TEX9: variants seen among roughly 807,000 people sequenced by gnomAD.
The protein encoded by TEX9 is testis expressed 9.
In TEX9, 74 loss-of-function variants were observed where a neutral mutation model predicts 59.6. That is an observed-to-expected ratio of 1.24 (90% confidence interval 1.03 to 1.51). The LOEUF (loss-of-function observed/expected upper bound fraction) is 1.51. TEX9 is among the 40% of genes most tolerant of loss of function. The probability of loss-of-function intolerance (pLI) is 0.00; values close to 1 mark genes in which losing one functional copy is unlikely to be tolerated. For synonymous variants in TEX9, 186 were observed against 152.2 expected (o/e 1.22, Z -1.64); for missense variants, 522 against 447.8 (o/e 1.17, Z -1.49).
Position 56,408,204 on chromosome 15 carries a change from C to A in TEX9, c.829-4098C>A, listed in dbSNP as rs546420022. On this transcript the variant is annotated intron_variant, in intron 9 of 12. Transcript: ENST00000352903. ...CCATTTTCTCCTGAAAATACTTTTG[C>A]TTAGGCTTCCATCTCTACCCTGCCA... Among the ~76,000 whole-genome samples, 5 of 152,274 alleles carry A rather than the reference C, an allele frequency of 3.3e-5. No homozygotes were observed. The East Asian group carries it at 9.7e-4, about 29-fold the overall frequency.
intron 1 of TEX9, among the ~76,000 whole-genome samples, chr15:56,279,153 A>G (rs1448854431): frequency 6.6e-6 from 1 of 152,182 alleles, no homozygotes; most frequent in Non-Finnish European, 1.5e-5. Context: ...CAAGGATTTT[A>G]AAAATGCTTT....
chr15:56,333,467 T>A (rs957205400), intron 1 of TEX9, among the ~76,000 whole-genome samples: 2 of 75,238 alleles, frequency 2.7e-5, no homozygotes, highest in African/African-American at 9.0e-5. Flanking sequence ...AATTCAACAC[T>A]CCTTCATGAT....
chr15:56,355,726 T>C (rs1425793966), intron 1 of TEX9, among the ~76,000 whole-genome samples: 1 of 152,092 alleles, frequency 6.6e-6, no homozygotes. Context: ...AGTGTATCTT[T>C]CTGTTTAGTT....
chr15:56,375,370 T>C (rs1403852282), intron 3 of TEX9, among the ~76,000 whole-genome samples: 79 of 152,266 alleles, frequency 5.2e-4, no homozygotes, highest in African/African-American at 1.8e-3. Context: ...TTGTTTGTTT[T>C]TTTCTTGTAA....
At chr15:56,365,297 A>C, upstream of TEX9, 2 of 1,025,704 alleles carry the variant, frequency 1.9e-6, no homozygotes, top group Non-Finnish European at 2.8e-6. Context: ...TGCTGCGAGC[A>C]AAGGCCGAGC....
chr15:56,421,744 G>A (rs918584030), intron 10 of TEX9: 1 of 151,508 alleles, frequency 6.6e-6, no homozygotes, highest in Non-Finnish European at 1.5e-5. Flanking sequence ...GCGATAGTTT[G>A]CTGAGAATGA....
At chr15:56,426,823 T>C (rs1342957750) in intron 10 of TEX9, among the ~76,000 whole-genome samples, 1 of 151,542 alleles carries the variant, frequency 6.6e-6, no homozygotes, top group African/African-American at 2.4e-5. Flanking sequence ...TACTGACCCT[T>C]TTTCTGCTTT....
intron 1 of TEX9, among the ~76,000 whole-genome samples, chr15:56,254,255 T>G (rs185167775): frequency 6.6e-6 from 1 of 152,132 alleles, no homozygotes; most frequent in Non-Finnish European, 1.5e-5. Context: ...GCCGTACATT[T>G]GGCTCTAGAT....
chr15:56,418,516 T>G (rs2049812449), intron 10 of TEX9, among the ~76,000 whole-genome samples: 1 of 150,250 alleles, frequency 6.7e-6, no homozygotes. Flanking sequence ...CTGGGCGTGG[T>G]GGTGGGCGCC....
At chr15:56,298,852 A>G (rs1023254290) in intron 1 of TEX9, among the ~76,000 whole-genome samples, 5 of 152,198 alleles carry the variant, frequency 3.3e-5, no homozygotes, top group African/African-American at 4.8e-5. Flanking sequence ...TCAATTCTCA[A>G]TATATTTTAG....
chr15:56,431,602 A>G, intron 12 of TEX9: 1 of 1,067,712 alleles, frequency 9.4e-7, no homozygotes, highest in Non-Finnish European at 1.4e-6. Context: ...TTGATGAACT[A>G]TTTATGACAC....
At chr15:56,353,992 C>G (rs539795703) in intron 1 of TEX9, among the ~76,000 whole-genome samples, 1 of 152,098 alleles carries the variant, frequency 6.6e-6, no homozygotes, top group Non-Finnish European at 1.5e-5. Flanking sequence ...ATTTTTCTCT[C>G]ATTTTGCTTG....
At chr15:56,456,031 A>C in the TEX9 span, among the ~76,000 whole-genome samples, 8 of 152,288 alleles carry the variant, frequency 5.3e-5, no homozygotes, top group South Asian at 1.7e-3. Context: ...CACAGGCTCC[A>C]CAGTCATTCC....
chr15:56,269,649 T>C (rs1397617565), intron 1 of TEX9, among the ~76,000 whole-genome samples: 38 of 148,312 alleles, frequency 2.6e-4, no homozygotes, highest in Non-Finnish European at 4.6e-4. Flanking sequence ...GTTTCTTTTC[T>C]TTTCTTTTTT....
chr15:56,252,377 A>T (rs1353812378), intron 1 of TEX9, among the ~76,000 whole-genome samples: 1 of 83,010 alleles, frequency 1.2e-5, no homozygotes, highest in African/African-American at 4.6e-5. Flanking sequence ...TATTAGAAAA[A>T]CCTTTTTTTT....
chr15:56,412,735 A>G (rs1050491297), intron 10 of TEX9, among the ~76,000 whole-genome samples: 1 of 152,112 alleles, frequency 6.6e-6, no homozygotes, highest in Non-Finnish European at 1.5e-5. Flanking sequence ...AAAGTTGTTT[A>G]AAAAAAGTAT....
At chr15:56,433,774 A>C (rs2050665103) in intron 12 of TEX9, among the ~76,000 whole-genome samples, 1 of 152,172 alleles carries the variant, frequency 6.6e-6, no homozygotes, top group Non-Finnish European at 1.5e-5. Context: ...CAGGGTGTTC[A>C]TGATCTGTTT....
chr15:56,439,126 T>C (rs2050777592), intron 12 of TEX9, among the ~76,000 whole-genome samples: 1 of 152,108 alleles, frequency 6.6e-6, no homozygotes, highest in African/African-American at 2.4e-5. Context: ...AAAATATCAA[T>C]TCACTAGCAA....
rs1217272653 is a variant in TEX9, at chr15:56,398,253, A to AT, written c.828+3425dup. The AT allele has an allele frequency of 3.9e-5, 6 of 152,148 alleles. 1 individual carries two copies. The East Asian group carries it at 5.8e-4, about 15-fold the overall frequency. The allele number at this position is 152,148 out of a possible 1,614,324, so 9.4% of individuals were successfully genotyped here. Reference sequence around the variant, plus strand: ...TAAAATATCTCAAAATCTCTTTAATATTTTTTGTATTGGTTATATGTTGAA... The same window carrying AT: ...TAAAATATCTCAAAATCTCTTTAATATTTTTTTGTATTGGTTATATGTTGAA... On this transcript the variant is annotated intron_variant, in intron 9 of 12. Coordinates refer to ENST00000352903, the Ensembl canonical transcript of TEX9.
Sources: gnomAD v4.1 joint callset for allele counts (sites outside exome capture counted in the v4.1 genomes callset) on GRCh38, gnomAD v4.1.1 for gene constraint, MANE v1.5 for transcripts, NCBI Gene and HGNC (gene_info 2026-07-23, HGNC 2026-07-21) for gene names.